The following NIPAL2 variants were observed in gnomAD, a reference collection of about 807,000 sequenced individuals.
NIPAL2 encodes the protein NIPA-like protein 2.
NIPAL2 carries 43 observed loss-of-function variants against 48.9 expected under a neutral mutation model. That is an observed-to-expected ratio of 0.88 (90% CI 0.69 to 1.13). The LOEUF (loss-of-function observed/expected upper bound fraction) is 1.13, where lower values mean the gene tolerates loss of function less well. Ranked by LOEUF, NIPAL2 falls within the 50% of genes most tolerant of loss-of-function variation. The pLI is 0.00. For synonymous variants in NIPAL2, 167 were observed against 174.6 expected, an observed-to-expected ratio of 0.96 and a Z score of 0.34; for missense variants, 446 against 461.4, an observed-to-expected ratio of 0.97 and a Z score of 0.31.
chr8:98,282,150 C>G (rs1815868282), intron 1 of NIPAL2, among the ~76,000 whole-genome samples: 1 of 152,142 alleles, frequency 6.6e-6, no homozygotes, highest in African/African-American at 2.4e-5. Context: ...TGATATCTCA[C>G]CAGGGTGAGT....
At chr8:98,262,929 T>C (rs1198014417) in intron 1 of NIPAL2, among the ~76,000 whole-genome samples, 2 of 150,678 alleles carry the variant, frequency 1.3e-5, no homozygotes, top group African/African-American at 4.9e-5. Context: ...ACAAACTATC[T>C]CTCAGACCAC....
At chr8:98,288,208 A>T (rs541929391) in intron 1 of NIPAL2, among the ~76,000 whole-genome samples, 1 of 113,542 alleles carries the variant, frequency 8.8e-6, no homozygotes, top group African/African-American at 3.4e-5. Context: ...ACCCCACAAC[A>T]GTCCCCAGAG....
chr8:98,252,536 C>G lies in NIPAL2; in HGVS notation c.303G>C (p.Glu101Asp), dbSNP rs1275439281. 2.5e-6 allele frequency: 4 copies of G among 1,613,768 alleles called. No individual in the cohort carries two copies. In the Admixed American group the frequency reaches 5.0e-5, roughly 20 times the overall value. Residue 101 changes from glutamate (E) to aspartate (D), a missense_variant, in exon 3 of 11, where the codon GAG (glutamate) becomes GAC (aspartate). By Grantham distance (45) the Glu-to-Asp change is conservative. Transcript: ENST00000430223. ...WGGVLLMAVG[E>D]TGNFAAYGFA... is the part of the protein sequence containing the mutation. ...ATCCATAGGCTGCAAAGTTCCCCGT[C>G]TCTCCCACGGCCATCAGCAGGACAC... is the stretch of plus-strand genomic sequence containing the variant.
At chr8:98,230,914 T>G (rs968875554) in intron 4 of NIPAL2, among the ~76,000 whole-genome samples, 14 of 152,176 alleles carry the variant, frequency 9.2e-5, no homozygotes, top group African/African-American at 3.4e-4. Flanking sequence ...GGATGCTACT[T>G]AATATTAAGT....
intron 1 of NIPAL2, among the ~76,000 whole-genome samples, chr8:98,271,978 C>T (rs543894793): frequency 6.6e-6 from 1 of 151,762 alleles, no homozygotes; most frequent in East Asian, 1.9e-4. Context: ...TTTAATGCTG[C>T]TTATGTGGTG....
chr8:98,249,906 G>A (rs1288119364), intron 3 of NIPAL2, among the ~76,000 whole-genome samples: 2 of 151,812 alleles, frequency 1.3e-5, no homozygotes, highest in Non-Finnish European at 1.5e-5. Flanking sequence ...TGGTATATTA[G>A]CAATCATCAG....
At chr8:98,287,053 AG>A (rs1167654528) in intron 1 of NIPAL2, among the ~76,000 whole-genome samples, 24 of 152,096 alleles carry the variant, frequency 1.6e-4, no homozygotes, top group Admixed American at 1.6e-3. Context: ...AGGATGGGGA[AG>A]GGGGTAGTTA....
chr8:98,250,471 A>G (rs1205489303), intron 3 of NIPAL2, among the ~76,000 whole-genome samples: 1 of 152,188 alleles, frequency 6.6e-6, no homozygotes, highest in Non-Finnish European at 1.5e-5. Flanking sequence ...AAAGCTTTAC[A>G]ATGACTTAAA....
chr8:98,197,414 T>TACAAA (rs1810602029), intron 8 of NIPAL2, among the ~76,000 whole-genome samples: 4 of 152,330 alleles, frequency 2.6e-5, no homozygotes, highest in African/African-American at 9.6e-5. Context: ...GTGTTGATGG[T>TACAAA]TGTTGATTGA....
At chr8:98,286,897 T>C (rs1211915959) in intron 1 of NIPAL2, among the ~76,000 whole-genome samples, 1 of 148,836 alleles carries the variant, frequency 6.7e-6, no homozygotes, top group Non-Finnish European at 1.5e-5. Context: ...GTGAGGCAAA[T>C]GTGTAGTGTG....
chr8:98,201,689 C>T (rs1412573805), intron 8 of NIPAL2, among the ~76,000 whole-genome samples: 1 of 152,052 alleles, frequency 6.6e-6, no homozygotes, highest in African/African-American at 2.4e-5. Flanking sequence ...CTCTTTTTGG[C>T]CTATTTTCCT....
chr8:98,238,676 C>T (rs6468625), intron 3 of NIPAL2, among the ~76,000 whole-genome samples: 41,722 of 151,336 alleles, frequency 0.28, 5,919 homozygotes, highest in African/African-American at 0.33. Context: ...AAACTTTTCC[C>T]GGGCAGGTTA....
At chr8:98,271,268 T>C (rs1464479084) in intron 1 of NIPAL2, among the ~76,000 whole-genome samples, 1 of 152,208 alleles carries the variant, frequency 6.6e-6, no homozygotes, top group Non-Finnish European at 1.5e-5. Context: ...TAGTATAGAA[T>C]CTATAGATTG....
chr8:98,271,473 T>G (rs1317424963), intron 1 of NIPAL2, among the ~76,000 whole-genome samples: 5 of 152,178 alleles, frequency 3.3e-5, no homozygotes. Context: ...TAAATGAGAT[T>G]GTGTTCCTGA....
intron 1 of NIPAL2, among the ~76,000 whole-genome samples, chr8:98,281,488 T>C (rs1815828034): frequency 1.3e-5 from 2 of 152,000 alleles, no homozygotes; most frequent in South Asian, 4.2e-4. Flanking sequence ...TAACTAAGAG[T>C]ATAATTGGAT....
intron 8 of NIPAL2, among the ~76,000 whole-genome samples, chr8:98,199,802 A>G (rs547440700): frequency 7.9e-5 from 12 of 152,330 alleles, no homozygotes; most frequent in Admixed American, 2.6e-4. Context: ...TTTGTAAAAA[A>G]TGCAATATCT....
At chr8:98,224,660 T>C (rs6986639) in intron 4 of NIPAL2, among the ~76,000 whole-genome samples, 85 of 152,236 alleles carry the variant, frequency 5.6e-4, no homozygotes, top group African/African-American at 2.0e-3. Context: ...GTAGGAGGTG[T>C]ATATATTTAC....
intron 5 of NIPAL2, among the ~76,000 whole-genome samples, chr8:98,215,335 G>A (rs1286557848): frequency 6.6e-6 from 1 of 152,184 alleles, no homozygotes; most frequent in Non-Finnish European, 1.5e-5. Flanking sequence ...AAATATTAAA[G>A]CAGTATGAAT....
At chr8:98,255,725 C>T (rs373514698) in intron 1 of NIPAL2, among the ~76,000 whole-genome samples, 4 of 152,154 alleles carry the variant, frequency 2.6e-5, no homozygotes, top group African/African-American at 9.7e-5. Context: ...GTACTATTTC[C>T]ATGCTTGCTA....
Sources: allele counts gnomAD v4.1 joint callset (sites outside exome capture counted in the v4.1 genomes callset), GRCh38; gene constraint gnomAD v4.1.1; transcripts MANE v1.5; gene names NCBI Gene and HGNC (gene_info 2026-07-23, HGNC 2026-07-21).